Variants in ACBD6 observed in about 807,000 individuals in gnomAD.
ACBD6 encodes acyl-CoA-binding domain-containing protein 6.
Under a neutral mutation model 37.2 loss-of-function variants are expected in ACBD6, and 28 were observed. The observed-to-expected ratio is 0.75, with a 90% CI of 0.56 to 1.03. ACBD6 has a LOEUF of 1.03. ACBD6 is among the 50% of genes least tolerant of loss of function. ACBD6 has a pLI of 0.00. For synonymous variants in ACBD6, 113 were observed against 126.8 expected, an observed-to-expected ratio of 0.89 and a Z score of 0.73; for missense variants, 340 against 337.4, an observed-to-expected ratio of 1.01 and a Z score of -0.06.
chr1:180,330,254 ATT>A (rs58036413), intron 6 of ACBD6, among the ~76,000 whole-genome samples: 20 of 143,394 alleles, frequency 1.4e-4, no homozygotes, highest in African/African-American at 2.1e-4. Context: ...CTCTATAAGA[ATT>A]TTTTTTTTTT....
intron 6 of ACBD6, among the ~76,000 whole-genome samples, chr1:180,353,935 T>C (rs1652519988): frequency 6.6e-6 from 1 of 152,210 alleles, no homozygotes; most frequent in South Asian, 2.1e-4. Flanking sequence ...TTTTGTGAGC[T>C]AAAGTTAATG....
exon 14 of ACBD6, chr1:180,271,187 T>C (rs984900259): frequency 3.0e-6 from 2 of 663,764 alleles, no homozygotes; most frequent in Non-Finnish European, 5.5e-6. Flanking sequence ...TTTCAGTGGC[T>C]TGGGAAGGCC....
chr1:180,285,527 G>A (rs929161173), downstream of ACBD6, among the ~76,000 whole-genome samples: 1 of 152,116 alleles, frequency 6.6e-6, no homozygotes, highest in African/African-American at 2.4e-5. Flanking sequence ...CCTATTCTAT[G>A]ATAAATATTT....
At chr1:180,410,555 C>G (rs1477818584) in intron 5 of ACBD6, among the ~76,000 whole-genome samples, 1 of 152,080 alleles carries the variant, frequency 6.6e-6, no homozygotes, top group Non-Finnish European at 1.5e-5. Context: ...ATCTATTCTG[C>G]CTGTGCTTTT....
intron 6 of ACBD6, among the ~76,000 whole-genome samples, chr1:180,360,521 A>C (rs758522395): frequency 5.5e-4 from 83 of 152,192 alleles, no homozygotes; most frequent in Non-Finnish European, 1.1e-3. Flanking sequence ...CCAGAGACCT[A>C]ATGAATCACA....
chr1:180,478,633 A>G (rs914120048), intron 3 of ACBD6, among the ~76,000 whole-genome samples: 3 of 151,634 alleles, frequency 2.0e-5, no homozygotes, highest in Non-Finnish European at 4.4e-5. Context: ...GGATTACAGT[A>G]CCACCATTGC....
At chr1:180,496,588 A>G (rs975787697) in intron 1 of ACBD6, among the ~76,000 whole-genome samples, 2 of 152,170 alleles carry the variant, frequency 1.3e-5, no homozygotes, top group African/African-American at 4.8e-5. Flanking sequence ...GCTTTTCAAG[A>G]TGCTGCACGA....
downstream of ACBD6, among the ~76,000 whole-genome samples, chr1:180,286,411 A>G (rs1649498746): frequency 6.6e-6 from 1 of 152,236 alleles, no homozygotes; most frequent in South Asian, 2.1e-4. Flanking sequence ...GAGTTCCTTA[A>G]TAGCTTCTTG....
chr1:180,407,959 T>A (rs1647692607), intron 5 of ACBD6, among the ~76,000 whole-genome samples: 1 of 152,234 alleles, frequency 6.6e-6, no homozygotes, highest in African/African-American at 2.4e-5. Context: ...TATATTATCA[T>A]CATCCTTCAC....
Position 180,502,255 on chromosome 1 carries a change from TG to T in ACBD6, c.11del (p.Ser4TyrfsTer16). On this transcript the variant is annotated frameshift_variant, in exon 1 of 8. Transcript: ENST00000367595. LOFTEE classifies it high-confidence loss of function. ...CGGTGATGGCCCCCGCGGGCAGGAA[TG>T]ATGAAGCCATGTCTCCTTGCTCGCT... MAS[S>X]FLPAGAITGD... The T allele has an allele frequency of 6.2e-7, 1 of 1,613,250 alleles. No homozygotes were observed. The highest frequency in any genetic ancestry group is 8.5e-7 in the Non-Finnish European group (1 of 1,180,022).
At chr1:180,409,265 G>A (rs60993519) in intron 5 of ACBD6, among the ~76,000 whole-genome samples, 9,583 of 152,156 alleles carry the variant, frequency 0.063, 933 homozygotes, top group African/African-American at 0.21. Context: ...AAAAACAAAT[G>A]TATTAACTTT....
chr1:180,362,620 T>TA (rs1185157624), intron 6 of ACBD6, among the ~76,000 whole-genome samples: 4 of 152,290 alleles, frequency 2.6e-5, no homozygotes, highest in Non-Finnish European at 4.4e-5. Context: ...CCTTCATACA[T>TA]AGAGAGATGT....
downstream of ACBD6, among the ~76,000 whole-genome samples, chr1:180,284,988 T>A (rs1030351047): frequency 6.6e-6 from 1 of 151,794 alleles, no homozygotes; most frequent in African/African-American, 2.4e-5. Context: ...AAAAAGAAAT[T>A]AGTTGAGCCT....
intron 6 of ACBD6, among the ~76,000 whole-genome samples, chr1:180,371,550 C>CT (rs1406642556): frequency 6.6e-6 from 1 of 152,182 alleles, no homozygotes; most frequent in South Asian, 2.1e-4. Flanking sequence ...TTGGGGCCTA[C>CT]TTTTTTAAAA....
At chr1:180,419,342 A>T (rs561218155) in intron 4 of ACBD6, among the ~76,000 whole-genome samples, 2 of 152,292 alleles carry the variant, frequency 1.3e-5, no homozygotes, top group South Asian at 2.1e-4. Context: ...CTAAATGCAA[A>T]TTTTTTTCAT....
intron 3 of ACBD6, among the ~76,000 whole-genome samples, chr1:180,444,774 C>T (rs1649415253): frequency 6.6e-6 from 1 of 152,158 alleles, no homozygotes; most frequent in Non-Finnish European, 1.5e-5. Context: ...TCTTACATTG[C>T]CTGAGACTCT....
chr1:180,390,078 A>G (rs61811600), intron 6 of ACBD6, among the ~76,000 whole-genome samples: 3,169 of 152,136 alleles, frequency 0.021, 53 homozygotes, highest in Non-Finnish European at 0.026. Flanking sequence ...GTTCTTGCCC[A>G]TGCCTATGTC....
chr1:180,476,307 T>C (rs528566410), intron 3 of ACBD6, among the ~76,000 whole-genome samples: 5 of 152,330 alleles, frequency 3.3e-5, no homozygotes, highest in Non-Finnish European at 7.3e-5. Flanking sequence ...AAATCAGACC[T>C]TGGCAATGAC....
intron 3 of ACBD6, among the ~76,000 whole-genome samples, chr1:180,462,337 G>A (rs1056604691): frequency 1.3e-5 from 2 of 152,290 alleles, no homozygotes; most frequent in Middle Eastern, 3.4e-3. Flanking sequence ...CTGTCTGCAA[G>A]AGACTCATCT....
Sources: gnomAD v4.1 joint callset for allele counts (sites outside exome capture counted in the v4.1 genomes callset) on GRCh38, gnomAD v4.1.1 for gene constraint, MANE v1.5 for transcripts, NCBI Gene and HGNC (gene_info 2026-07-23, HGNC 2026-07-21) for gene names.